The following RBM33 variants were observed in gnomAD, a reference collection of about 807,000 sequenced individuals.
RBM33 encodes RNA-binding protein 33.
In RBM33, 28 loss-of-function variants were observed where a neutral mutation model predicts 132.6. The ratio of observed to expected loss-of-function variants is 0.21; its 90% CI spans 0.16 to 0.29. The LOEUF is 0.29. Ranked by LOEUF, RBM33 falls within the 10% of genes least tolerant of loss-of-function variation. The pLI, the probability that RBM33 is intolerant of heterozygous loss-of-function variation, is 1.00. For synonymous variants in RBM33, 634 were observed against 593.0 expected (o/e 1.07, Z -1.01); for missense variants, 1,291 against 1,518.5 (o/e 0.85, Z 2.49).
At chr7:155,697,873 A>C (rs1299734872) in intron 5 of RBM33, among the ~76,000 whole-genome samples, 3 of 152,216 alleles carry the variant, frequency 2.0e-5, no homozygotes, top group Non-Finnish European at 4.4e-5. Flanking sequence ...TAAATCTTTC[A>C]GGTTTTCACA....
At chr7:155,746,947 C>T (rs1336867885) in intron 14 of RBM33, among the ~76,000 whole-genome samples, 1 of 152,176 alleles carries the variant, frequency 6.6e-6, no homozygotes, top group East Asian at 1.9e-4. Flanking sequence ...TGAAGGAGAA[C>T]GTTACTTCGT....
At chr7:155,655,524 G>A (rs892013516) in intron 1 of RBM33, among the ~76,000 whole-genome samples, 1 of 130,952 alleles carries the variant, frequency 7.6e-6, no homozygotes, top group Non-Finnish European at 1.6e-5. Context: ...ACGGTATTAA[G>A]GCTGTTTGCC....
At chr7:155,715,166 A>G (rs1010698573) in intron 8 of RBM33, among the ~76,000 whole-genome samples, 3 of 152,136 alleles carry the variant, frequency 2.0e-5, no homozygotes, top group African/African-American at 7.2e-5. Flanking sequence ...TAGCCGTTGA[A>G]TGAATGGAGA....
intron 16 of RBM33, among the ~76,000 whole-genome samples, chr7:155,770,861 G>A (rs1489986974): frequency 6.6e-6 from 1 of 152,180 alleles, no homozygotes; most frequent in Non-Finnish European, 1.5e-5. Context: ...TCGCTGCCAG[G>A]TGGCATGGTT....
intron 9 of RBM33, among the ~76,000 whole-genome samples, chr7:155,733,529 C>T (rs1801020002): frequency 1.1e-5 from 1 of 89,008 alleles, no homozygotes. Context: ...GTTCATGGGG[C>T]CCTGGTATCG....
At chr7:155,674,626 A>G (rs147132703) in intron 3 of RBM33, among the ~76,000 whole-genome samples, 40 of 152,324 alleles carry the variant, frequency 2.6e-4, no homozygotes, top group African/African-American at 8.2e-4. Flanking sequence ...ACTGTTATCA[A>G]TAAAGATGGA....
intron 1 of RBM33, among the ~76,000 whole-genome samples, chr7:155,647,768 A>T (rs192967238): frequency 3.9e-5 from 6 of 152,190 alleles, no homozygotes; most frequent in Admixed American, 2.6e-4. Flanking sequence ...AGTAGTAAGG[A>T]TAGAGAAATG....
At chr7:155,765,796 T>C (rs1450787672) in intron 15 of RBM33, among the ~76,000 whole-genome samples, 3 of 152,216 alleles carry the variant, frequency 2.0e-5, no homozygotes, top group African/African-American at 7.2e-5. Flanking sequence ...CTTTTAAAAA[T>C]AATAATGCTT....
intron 14 of RBM33, among the ~76,000 whole-genome samples, chr7:155,748,211 C>T (rs1163653989): frequency 1.3e-5 from 2 of 152,220 alleles, no homozygotes; most frequent in East Asian, 1.9e-4. Flanking sequence ...ATTGTTGGTT[C>T]GCGTTTCCCA....
At chr7:155,702,033 C>G (rs1398322872) in intron 6 of RBM33, among the ~76,000 whole-genome samples, 2 of 152,170 alleles carry the variant, frequency 1.3e-5, no homozygotes, top group Non-Finnish European at 2.9e-5. Context: ...TGCTCCTGCA[C>G]TGGTGCTTCC....
In RBM33 at chr7:155,673,768, G is replaced by GCACGCACACA. The variant is rs1554469953; in HGVS notation, c.171+856_171+857insGCACACACAC. On this transcript the variant is annotated intron_variant, in intron 3 of 17. Transcript: ENST00000401878. Reference sequence around the variant, plus strand: ...CACGTGTATATACGCGCGCATGCGCGCACACACACACACACACACACACAC... The same window carrying GCACGCACACA: ...CACGTGTATATACGCGCGCATGCGCGCACGCACACACACACACACACACACACACACACAC... Among the ~76,000 whole-genome samples, 33 of 132,980 alleles carry GCACGCACACA rather than the reference G, an allele frequency of 2.5e-4. 2 individuals are homozygous for GCACGCACACA. The highest frequency in any genetic ancestry group is 9.3e-4 in the South Asian group (4 of 4,294). The allele number at this position is 132,980 out of a possible 152,430, so 87.2% of individuals were successfully genotyped here. A position where few individuals can be genotyped will look rare whatever the true frequency, so the allele number is the denominator to read the frequency against.
intron 2 of RBM33, among the ~76,000 whole-genome samples, chr7:155,666,029 C>T (rs2116892970): frequency 6.6e-6 from 1 of 152,338 alleles, no homozygotes; most frequent in South Asian, 2.1e-4. Flanking sequence ...CTATGAGGCC[C>T]TTACAGTTCA....
intron 8 of RBM33, among the ~76,000 whole-genome samples, chr7:155,712,225 A>T (rs1372840991): frequency 6.6e-6 from 1 of 152,188 alleles, no homozygotes; most frequent in East Asian, 1.9e-4. Flanking sequence ...TGGAGAGGGG[A>T]CACACCATCT....
Position 155,780,356 on chromosome 7 carries a change from A to T in RBM33, c.*5315A>T, listed in dbSNP as rs978729632. 1.3e-5 allele frequency: 2 copies of T among 152,038 alleles called. No homozygotes were observed. Among genetic ancestry groups the T allele is most frequent in the Non-Finnish European group, 2.9e-5 (2 of 67,964 alleles). The allele number at this position is 152,038 out of a possible 1,614,324, so 9.4% of individuals were successfully genotyped here. A position where few individuals can be genotyped will look rare whatever the true frequency, so the allele number is the denominator to read the frequency against. On this transcript the variant is annotated 3_prime_UTR_variant, in exon 18 of 18. Coordinates refer to ENST00000401878, the MANE Select transcript of RBM33 (RefSeq NM_053043.3). ...ATCCAGGATGGTGTCCTCTGTGAGG[A>T]CTTGAACTCTGGGGCTTTAATTCCA...
Position 155,776,419 on chromosome 7 carries a change from C to A in RBM33, c.*1378C>A, listed in dbSNP as rs919893617. 6.6e-6 allele frequency: 1 copy of A among 152,222 alleles called. No individual in the cohort carries two copies. The highest frequency in any genetic ancestry group is 2.1e-4 in the South Asian group (1 of 4,840). The allele number at this position is 152,222 out of a possible 1,614,324, so 9.4% of individuals were successfully genotyped here. ...AGCATGGCGCTAGGGCTCTCAGCCT[C>A]CTAGAAGGAAGGGACTAAGGAGACG... On this transcript the variant is annotated 3_prime_UTR_variant, in exon 18 of 18. Transcript: ENST00000401878. This position sits in a 1 kb window ranked among gnomAD's most constrained non-coding sequence, Gnocchi z 4.0.
chr7:155,745,745 G>A lies in RBM33; in HGVS notation c.2979+143G>A. 3.6e-6 allele frequency: 3 copies of A among 844,042 alleles called. No individual in the cohort carries two copies. The highest frequency in any genetic ancestry group is 1.9e-5 in the South Asian group (1 of 52,916). The allele number at this position is 844,042 out of a possible 1,614,324, so 52.3% of individuals were successfully genotyped here. ...ACCAATCTCTACCTACTTGAAGTTG[G>A]TATAAGAATTGCCGCTTGACGACAG... On this transcript the variant is annotated intron_variant, in intron 14 of 17. Transcript: ENST00000401878. The surrounding 1 kb of genome is among the most constrained non-coding windows in gnomAD (Gnocchi z 4.1).
At chr7:155,742,825 T>TC (rs1172331967) in intron 13 of RBM33, among the ~76,000 whole-genome samples, 3 of 152,188 alleles carry the variant, frequency 2.0e-5, no homozygotes. Flanking sequence ...AGCCTCAGTC[T>TC]CCTCATCTGG....
intron 2 of RBM33, among the ~76,000 whole-genome samples, chr7:155,671,395 G>A (rs552639521): frequency 6.6e-6 from 1 of 152,058 alleles, no homozygotes; most frequent in South Asian, 2.1e-4. Context: ...TCCTATCCTT[G>A]TTTTCTTTAT....
At chr7:155,655,453 C>G (rs1798464935) in intron 1 of RBM33, among the ~76,000 whole-genome samples, 1 of 147,084 alleles carries the variant, frequency 6.8e-6, no homozygotes, top group African/African-American at 2.5e-5. Context: ...CAGTATTTAT[C>G]AAAATCTTGG....
Sources: allele counts gnomAD v4.1 joint callset (sites outside exome capture counted in the v4.1 genomes callset), GRCh38; gene constraint gnomAD v4.1.1; non-coding constraint Gnocchi (gnomAD v3.1); transcripts MANE v1.5; gene names NCBI Gene and HGNC (gene_info 2026-07-23, HGNC 2026-07-21).